Variants in MPPED2 observed in about 807,000 individuals in gnomAD.
MPPED2 encodes the protein metallophosphoesterase domain containing 2, also known as metallophosphoesterase MPPED2.
A neutral mutation model predicts 33.0 loss-of-function variants in MPPED2; 5 were observed. That is an observed-to-expected ratio of 0.15 (90% CI 0.08 to 0.32). MPPED2 has a LOEUF of 0.32. Among genes scored for constraint, MPPED2 ranks in the 10% least tolerant of loss-of-function variants. MPPED2 has a pLI of 1.00. For missense variants in MPPED2, 275 were observed against 372.1 expected (o/e 0.74, Z 2.15); for synonymous variants, 136 against 141.9 (o/e 0.96, Z 0.29).
chr11:30,546,250 T>C (rs1440542738), intron 2 of MPPED2, among the ~76,000 whole-genome samples: 1 of 152,164 alleles, frequency 6.6e-6, no homozygotes, highest in Admixed American at 6.5e-5. Flanking sequence ...GAACAAAATG[T>C]GGATTATTTC....
At chr11:30,409,215 T>C (rs1948035527), downstream of MPPED2, among the ~76,000 whole-genome samples, 1 of 152,310 alleles carries the variant, frequency 6.6e-6, no homozygotes, top group Non-Finnish European at 1.5e-5. Flanking sequence ...TGGCTTCTAG[T>C]ACACTAACCA....
Position 30,580,501 on chromosome 11 carries a change from GA to G in MPPED2, c.-121-8del, listed in dbSNP as rs918401440. 2,293 of 1,289,236 alleles carry G rather than the reference GA, an allele frequency of 1.8e-3. 4 individuals carry two copies. Among genetic ancestry groups the G allele is most frequent in the African/African-American group, 5.1e-3 (330 of 64,558 alleles). The allele number at this position is 1,289,236 out of a possible 1,614,324, so 79.9% of individuals were successfully genotyped here. On this transcript the variant is annotated splice_polypyrimidine_tract_variant and splice_region_variant and intron_variant, in intron 1 of 6. Transcript: ENST00000358117. ...TCAATACCGCTGTGCATTTCTGAAA[GA>G]AAAAAAAAATGTATATAAAATGAGA... is the stretch of plus-strand genomic sequence containing the variant.
At chr11:30,467,999 C>A (rs1278060479) in intron 4 of MPPED2, among the ~76,000 whole-genome samples, 2 of 71,744 alleles carry the variant, frequency 2.8e-5, no homozygotes, top group African/African-American at 2.0e-4. Context: ...CATCCTACAG[C>A]TCTCCCCAGA....
At chr11:30,544,906 C>A (rs1955327975) in intron 2 of MPPED2, among the ~76,000 whole-genome samples, 1 of 152,044 alleles carries the variant, frequency 6.6e-6, no homozygotes, top group Non-Finnish European at 1.5e-5. Context: ...GAAGCTGGGA[C>A]CTCACTTGGA....
chr11:30,541,465 T>C (rs1955110612), intron 2 of MPPED2, among the ~76,000 whole-genome samples: 1 of 152,222 alleles, frequency 6.6e-6, no homozygotes, highest in South Asian at 2.1e-4. Context: ...CCTTTGTGTA[T>C]ACAATCAACC....
chr11:30,450,644 A>G (rs1950016641), intron 4 of MPPED2, among the ~76,000 whole-genome samples: 1 of 152,204 alleles, frequency 6.6e-6, no homozygotes, highest in Admixed American at 6.5e-5. Flanking sequence ...CCTATAAACA[A>G]ATTCACAGAA....
In MPPED2 at chr11:30,487,452, A is replaced by G. The variant is rs113574062; in HGVS notation, c.536+7844T>C. On this transcript the variant is annotated intron_variant, in intron 4 of 6. Coordinates refer to ENST00000358117, the MANE Select transcript of MPPED2 (RefSeq NM_001584.3). ...GCCTCTGTGGTGCAGGAACAGCAGG[A>G]GCTGACTCATGCCTTATAACACATT... 9.5e-3 allele frequency among the ~76,000 whole-genome samples: 1,453 copies of G among 152,268 alleles called. 23 individuals are homozygous for G. Among genetic ancestry groups the G allele is most frequent in the African/African-American group, 0.031 (1,297 of 41,532 alleles).
At chr11:30,518,205 G>C (rs1470223151) in intron 3 of MPPED2, among the ~76,000 whole-genome samples, 1 of 152,152 alleles carries the variant, frequency 6.6e-6, no homozygotes, top group Non-Finnish European at 1.5e-5. Context: ...CAGCCTCTCT[G>C]AGACACATAC....
chr11:30,451,513 G>C (rs574744499), intron 4 of MPPED2: 2 of 173,020 alleles, frequency 1.2e-5, no homozygotes, highest in East Asian at 3.8e-4. Flanking sequence ...ATTCAAACCT[G>C]GCTGATTCAA....
chr11:30,486,014 G>T (rs767552618), intron 4 of MPPED2, among the ~76,000 whole-genome samples: 1 of 152,192 alleles, frequency 6.6e-6, no homozygotes, highest in Non-Finnish European at 1.5e-5. Context: ...TGCAGATGTG[G>T]TGCTGGCAAA....
At position 30,393,400 on chromosome 11, in the gene MPPED2, C is replaced by A. The variant is rs538066750; in HGVS notation, c.767-4444G>T. ...CCTCCAACTCAAAGGATTTTCAGAC[C>A]AGAGTTCCATCTTGGCCTTGGGTAA... On this transcript the variant is annotated intron_variant, in intron 6 of 6. Coordinates refer to the MPPED2 transcript ENST00000448418. Among the ~76,000 whole-genome samples the A allele has an allele frequency of 3.3e-5, 5 of 152,248 alleles. No homozygotes were observed. In the East Asian group the frequency reaches 9.7e-4, roughly 29 times the overall value.
chr11:30,562,231 A>C (rs973369842), intron 2 of MPPED2, among the ~76,000 whole-genome samples: 4 of 152,136 alleles, frequency 2.6e-5, no homozygotes, highest in Non-Finnish European at 5.9e-5. Flanking sequence ...ATTGCTGTCC[A>C]AGTGTGCACA....
intron 2 of MPPED2, among the ~76,000 whole-genome samples, chr11:30,574,142 T>A (rs1307129108): frequency 4.6e-5 from 7 of 152,196 alleles, no homozygotes; most frequent in Admixed American, 4.6e-4. Flanking sequence ...CCTTCACATT[T>A]ACTCACCGCT....
intron 3 of MPPED2, among the ~76,000 whole-genome samples, chr11:30,502,124 G>A (rs1393793942): frequency 6.6e-6 from 1 of 152,194 alleles, no homozygotes. Flanking sequence ...TATGGATGAA[G>A]AAACTGAGTG....
At chr11:30,532,327 G>T (rs1489342532) in intron 3 of MPPED2, among the ~76,000 whole-genome samples, 2 of 152,150 alleles carry the variant, frequency 1.3e-5, no homozygotes, top group African/African-American at 4.8e-5. Context: ...GGCCTTCAAG[G>T]TCTCTTCCTG....
rs149007557 is a variant in MPPED2, at chr11:30,403,772, A to G, written c.766+10456T>C. Reference sequence around the variant, plus strand: ...TTCTCTCAAGGAATTTTCAGCTGGTAAGAATTACCTTGATGTTCCTATTTA... The same window carrying G: ...TTCTCTCAAGGAATTTTCAGCTGGTGAGAATTACCTTGATGTTCCTATTTA... On this transcript the variant is annotated intron_variant, in intron 6 of 6. Transcript: ENST00000448418. Among the ~76,000 whole-genome samples the G allele has an allele frequency of 2.0e-5, 3 of 152,322 alleles. No individual in the cohort carries two copies. In the East Asian group the frequency reaches 5.8e-4, roughly 29 times the overall value.
chr11:30,477,011 T>A lies in MPPED2; in HGVS notation c.536+18285A>T, dbSNP rs564536815. 2.6e-5 allele frequency among the ~76,000 whole-genome samples: 4 copies of A among 152,254 alleles called. No individual in the cohort carries two copies. In the East Asian group the frequency reaches 7.7e-4, roughly 29 times the overall value. On this transcript the variant is annotated intron_variant, in intron 4 of 6. Coordinates refer to ENST00000358117, the MANE Select transcript of MPPED2 (RefSeq NM_001584.3). ...TGTAATTAACATTTTAAAAAATTCA[T>A]TTTAAATTTTATGCTGCAATTATGA...
intron 6 of MPPED2, among the ~76,000 whole-genome samples, chr11:30,393,244 C>T (rs989955103): frequency 2.0e-5 from 3 of 151,982 alleles, no homozygotes; most frequent in Admixed American, 2.0e-4. Context: ...TAATAGACAA[C>T]CCTATCTCTG....
chr11:30,506,658 T>TG (rs1435985761), intron 3 of MPPED2, among the ~76,000 whole-genome samples: 1 of 152,220 alleles, frequency 6.6e-6, no homozygotes, highest in African/African-American at 2.4e-5. Flanking sequence ...CCATTAAGTA[T>TG]GGTGATGATC....
Sources: allele counts gnomAD v4.1 joint callset (sites outside exome capture counted in the v4.1 genomes callset), GRCh38; gene constraint gnomAD v4.1.1; transcripts MANE v1.5; gene names NCBI Gene and HGNC (gene_info 2026-07-23, HGNC 2026-07-21).